ASB5: variants seen among roughly 807,000 people sequenced by gnomAD.
ASB5 encodes ankyrin repeat and SOCS box protein 5.
ASB5 carries 45 observed loss-of-function variants against 42.1 expected under a neutral mutation model. That is an observed-to-expected ratio of 1.07 (90% CI 0.84 to 1.37). The LOEUF (loss-of-function observed/expected upper bound fraction) is 1.37, where lower values mean the gene tolerates loss of function less well. Among genes scored for constraint, ASB5 ranks in the 40% most tolerant of loss-of-function variants. ASB5 has a pLI of 0.00. For synonymous variants in ASB5, 147 were observed against 150.6 expected, an observed-to-expected ratio of 0.98 and a Z score of 0.18; for missense variants, 402 against 399.8, an observed-to-expected ratio of 1.01 and a Z score of -0.05.
intron 1 of ASB5, among the ~76,000 whole-genome samples, chr4:176,260,777 A>G (rs953285677): frequency 6.6e-6 from 1 of 152,160 alleles, no homozygotes; most frequent in South Asian, 2.1e-4. Context: ...TCCCAGGTTC[A>G]AGGATTCTCC....
intron 1 of ASB5, among the ~76,000 whole-genome samples, chr4:176,234,466 T>G (rs1346822522): frequency 6.6e-6 from 1 of 152,208 alleles, no homozygotes; most frequent in East Asian, 1.9e-4. Context: ...CAACCTTCTA[T>G]TAAAAAATCC....
At chr4:176,254,537 C>CA (rs60761708) in intron 1 of ASB5, among the ~76,000 whole-genome samples, 27,177 of 144,168 alleles carry the variant, frequency 0.19, 3,199 homozygotes, top group Middle Eastern at 0.34. Context: ...AAAGCAATTG[C>CA]AAAAAAAAAA....
chr4:176,260,130 C>A (rs893255692), intron 1 of ASB5, among the ~76,000 whole-genome samples: 4 of 152,120 alleles, frequency 2.6e-5, no homozygotes, highest in Non-Finnish European at 5.9e-5. Flanking sequence ...TATTTTATCC[C>A]TTTCTTTGAA....
At chr4:176,256,177 AT>A (rs2126973176) in intron 1 of ASB5, among the ~76,000 whole-genome samples, 1 of 152,258 alleles carries the variant, frequency 6.6e-6, no homozygotes, top group African/African-American at 2.4e-5. Flanking sequence ...GTAAAAACTC[AT>A]TTCTGACTTG....
intron 5 of ASB5, 129 bp downstream of exon 5, chr4:176,221,026 A>G: frequency 8.5e-7 from 1 of 1,170,304 alleles, no homozygotes; most frequent in Non-Finnish European, 1.2e-6. Context: ...TTCTCTATTC[A>G]TGTGTGAAAA....
exon 1 of ASB5, chr4:176,277,498 C>G (rs531003667): frequency 6.6e-6 from 1 of 151,948 alleles, no homozygotes; most frequent in Non-Finnish European, 1.5e-5. Flanking sequence ...TTGCTCTTTC[C>G]TTTATCTAGT....
Position 176,269,207 on chromosome 4 carries a change from G to A in ASB5, c.-99C>T, listed in dbSNP as rs1434672120. On this transcript the variant is annotated 5_prime_UTR_variant, in exon 1 of 7. Transcript: ENST00000296525. ...TCCTGAACAGCTGGTCCTGAGGAAA[G>A]AAAATATCAGCTGGTAGTGATGCCT... is the stretch of plus-strand genomic sequence containing the variant. 1 of 1,061,662 alleles carries A rather than the reference G, an allele frequency of 9.4e-7. No individual in the cohort carries two copies. The highest frequency in any genetic ancestry group is 1.3e-6 in the Non-Finnish European group (1 of 750,932). The allele number at this position is 1,061,662 out of a possible 1,614,324, so 65.8% of individuals were successfully genotyped here.
rs535744482 is a variant in ASB5, at chr4:176,222,762, T to G, written c.277-342A>C. Among the ~76,000 whole-genome samples the G allele has an allele frequency of 3.9e-5, 6 of 152,276 alleles. No homozygotes were observed. The South Asian group carries it at 1.2e-3, about 32-fold the overall frequency. ...GAACTAAACACTCGTTTTGTAGAAC[T>G]AAAGACTTGTTGTTTTGTTTTTGTT... On this transcript the variant is annotated intron_variant, in intron 2 of 6. Transcript: ENST00000296525.
chr4:176,223,230 A>G (rs6858298), intron 2 of ASB5, among the ~76,000 whole-genome samples: 57,829 of 152,102 alleles, frequency 0.38, 11,277 homozygotes, highest in Non-Finnish European at 0.43. Context: ...TATAAAATCA[A>G]TTAGACTTGG....
At chr4:176,225,051 A>G (rs1268313105) in intron 2 of ASB5, among the ~76,000 whole-genome samples, 3 of 152,250 alleles carry the variant, frequency 2.0e-5, no homozygotes, top group South Asian at 4.1e-4. Flanking sequence ...TGTCTGAGAA[A>G]TCTGAAATAC....
intron 1 of ASB5, among the ~76,000 whole-genome samples, chr4:176,260,375 G>C (rs1222381465): frequency 6.6e-6 from 1 of 152,080 alleles, no homozygotes; most frequent in Non-Finnish European, 1.5e-5. Flanking sequence ...AACCAATGAG[G>C]AATTGTAGAA....
At chr4:176,255,420 T>C (rs1443152846) in intron 1 of ASB5, among the ~76,000 whole-genome samples, 4 of 152,208 alleles carry the variant, frequency 2.6e-5, no homozygotes, top group African/African-American at 9.6e-5. Context: ...TGTATATTCA[T>C]CACAGCACTA....
chr4:176,222,702 TA>T (rs1579312323), intron 2 of ASB5, among the ~76,000 whole-genome samples: 2 of 152,176 alleles, frequency 1.3e-5, no homozygotes, highest in Non-Finnish European at 1.5e-5. Flanking sequence ...GCTTTCTTAA[TA>T]TTTTTTTATC....
chr4:176,216,629 G>A (rs1244145567), intron 6 of ASB5, among the ~76,000 whole-genome samples, 189 bp downstream of exon 6: 1 of 152,202 alleles, frequency 6.6e-6, no homozygotes, highest in African/African-American at 2.4e-5. Flanking sequence ...GATTACAGGT[G>A]TGAGCCACCA....
chr4:176,272,776 G>T (rs964252837), upstream of ASB5, among the ~76,000 whole-genome samples: 6 of 152,004 alleles, frequency 3.9e-5, no homozygotes, highest in African/African-American at 1.5e-4. Context: ...AGGGAATTTT[G>T]CATCTAGAGA....
chr4:176,252,594 T>C (rs917292540), intron 1 of ASB5, among the ~76,000 whole-genome samples: 2 of 152,200 alleles, frequency 1.3e-5, no homozygotes, highest in African/African-American at 4.8e-5. Flanking sequence ...ATTGAGTTTG[T>C]TTAGGCTGTC....
At chr4:176,242,613 G>A (rs188046038) in intron 1 of ASB5, among the ~76,000 whole-genome samples, 1 of 152,244 alleles carries the variant, frequency 6.6e-6, no homozygotes, top group Admixed American at 6.5e-5. Context: ...CAATCCAGCT[G>A]TTGTTTATTT....
At position 176,214,289 on chromosome 4, in the gene ASB5, A is replaced by T. The variant is rs1471980505; in HGVS notation, c.*1311T>A. 6.6e-6 allele frequency: 1 copy of T among 152,156 alleles called. No homozygotes were observed. The highest frequency in any genetic ancestry group is 1.5e-5 in the Non-Finnish European group (1 of 67,994). The allele number at this position is 152,156 out of a possible 1,614,324, so 9.4% of individuals were successfully genotyped here. A position where few individuals can be genotyped will look rare whatever the true frequency, so the allele number is the denominator to read the frequency against. On this transcript the variant is annotated 3_prime_UTR_variant, in exon 7 of 7. Coordinates refer to ENST00000296525, the MANE Select transcript of ASB5 (RefSeq NM_080874.4). ...GTTGAAAATAGTGGTCAAAATATTT[A>T]CTTTATCAAAATTTAATAAATCTAT...
intron 1 of ASB5, among the ~76,000 whole-genome samples, chr4:176,262,440 G>A (rs1017271908): frequency 1.4e-4 from 21 of 152,186 alleles, no homozygotes; most frequent in African/African-American, 4.6e-4. Flanking sequence ...GACTTGGCAA[G>A]TTTTTGAGCA....
Sources: allele counts gnomAD v4.1 joint callset (sites outside exome capture counted in the v4.1 genomes callset), GRCh38; gene constraint gnomAD v4.1.1; transcripts MANE v1.5; gene names NCBI Gene and HGNC (gene_info 2026-07-23, HGNC 2026-07-21).